SHROOM4: variants seen among roughly 807,000 people sequenced by gnomAD.
The protein encoded by SHROOM4 is shroom family member 4.
In SHROOM4, 17 loss-of-function variants were observed where a neutral mutation model predicts 80.3. The ratio of observed to expected loss-of-function variants is 0.21; its 90% CI spans 0.14 to 0.32. The LOEUF (loss-of-function observed/expected upper bound fraction) is 0.32. Among genes scored for constraint, SHROOM4 ranks in the 10% least tolerant of loss-of-function variants. The probability of loss-of-function intolerance (pLI) is 1.00; values close to 1 mark genes in which losing one functional copy is unlikely to be tolerated. For synonymous variants in SHROOM4, 400 were observed against 437.5 expected, an observed-to-expected ratio of 0.91 and a Z score of 1.07; for missense variants, 993 against 1,140.3, an observed-to-expected ratio of 0.87 and a Z score of 1.86.
chrX:50,585,241 G>A (rs1427495615), downstream of SHROOM4, among the ~76,000 whole-genome samples: 3 of 111,791 alleles, frequency 2.7e-5, no homozygotes, highest in African/African-American at 6.5e-5. Flanking sequence ...GACAGAAAGT[G>A]TAAACAATGA....
chrX:50,790,418 T>C, intron 1 of SHROOM4, among the ~76,000 whole-genome samples: 1 of 111,235 alleles, frequency 9.0e-6, no homozygotes, highest in Non-Finnish European at 1.9e-5. Context: ...CTCCCAAAAA[T>C]TGAAGAGAAG....
chrX:50,611,278 A>G (rs1347802779), intron 5 of SHROOM4, among the ~76,000 whole-genome samples: 1 of 104,191 alleles, frequency 9.6e-6, no homozygotes, highest in Non-Finnish European at 1.9e-5. Context: ...CCTCCCCAGT[A>G]GCTGGGACTA....
At chrX:50,796,776 T>C (rs1936021894) in intron 1 of SHROOM4, among the ~76,000 whole-genome samples, 1 of 109,985 alleles carries the variant, frequency 9.1e-6, no homozygotes, top group Admixed American at 9.8e-5. Context: ...ATGAGGGCTA[T>C]TGTAAAGGAA....
chrX:50,724,282 C>T (rs1236231204), intron 1 of SHROOM4, among the ~76,000 whole-genome samples: 2 of 111,826 alleles, frequency 1.8e-5, no homozygotes, highest in African/African-American at 6.5e-5. Flanking sequence ...AAGTTCTCTC[C>T]TTGAGCCTCC....
rs1936411592 is a variant in SHROOM4 at position 50,814,160 on chromosome X, G to T, written c.-142C>A. ...TCCGCCTACTCTCCCGGCTGGAGACGCTCAGGCAGCGAGCGAGCGCAAGGA... is the reference window on the plus strand; with the variant it reads ...TCCGCCTACTCTCCCGGCTGGAGACTCTCAGGCAGCGAGCGAGCGCAAGGA... On this transcript the variant is annotated 5_prime_UTR_variant, in exon 1 of 9. Transcript: ENST00000376020. 2 of 479,845 alleles carry T rather than the reference G, an allele frequency of 4.2e-6. No individual in the cohort carries two copies. Among genetic ancestry groups the T allele is most frequent in the Admixed American group, 3.2e-5 (1 of 31,729 alleles). The allele number at this position is 479,845 out of a possible 1,213,427, so 39.5% of individuals were successfully genotyped here. A position where few individuals can be genotyped will look rare whatever the true frequency, so the allele number is the denominator to read the frequency against.
intron 1 of SHROOM4, among the ~76,000 whole-genome samples, chrX:50,750,663 A>G (rs1207681185): frequency 8.9e-6 from 1 of 112,078 alleles, no homozygotes; most frequent in African/African-American, 3.2e-5. Flanking sequence ...TTCTGCTGCT[A>G]TGCTTCTCCT....
At chrX:50,580,418 C>T in the SHROOM4 span, among the ~76,000 whole-genome samples, 3 of 112,235 alleles carry the variant, frequency 2.7e-5, no homozygotes, top group African/African-American at 6.5e-5. Context: ...GATAGGTAGA[C>T]CTCCATTTGG....
At chrX:50,771,252 G>A (rs1009052757) in intron 1 of SHROOM4, among the ~76,000 whole-genome samples, 14 of 112,051 alleles carry the variant, frequency 1.2e-4, no homozygotes, top group Admixed American at 6.6e-4. Context: ...TCTCTAGAGC[G>A]CAGCAGAACA....
chrX:50,650,433 C>G (rs1557258508), intron 2 of SHROOM4, among the ~76,000 whole-genome samples: 1 of 111,814 alleles, frequency 8.9e-6, no homozygotes, highest in Non-Finnish European at 1.9e-5. Context: ...TCACTGCAAC[C>G]TCCGCCTCCC....
rs147915081 is a variant in SHROOM4 at position 50,700,446 on chromosome X, G to A, written c.118-4509C>T. Among the ~76,000 whole-genome samples the A allele has an allele frequency of 4.7e-3, 526 of 112,167 alleles. 2 individuals are homozygous for A. Among genetic ancestry groups the A allele is most frequent in the Non-Finnish European group, 7.0e-3 (374 of 53,238 alleles). ...CTTTGGGAAGTTTAACTATTAAGAA[G>A]TAGGAGCATCAAAGAATGAATAAAG... On this transcript the variant is annotated intron_variant, in intron 1 of 8. Coordinates refer to ENST00000376020, the MANE Select transcript of SHROOM4 (RefSeq NM_020717.5).
chrX:50,781,980 G>A (rs1362130772), intron 1 of SHROOM4, among the ~76,000 whole-genome samples: 6 of 111,567 alleles, frequency 5.4e-5, no homozygotes, highest in South Asian at 3.7e-4. Context: ...AGGCCAAGGC[G>A]GGCAGATCAC....
chrX:50,746,259 C>T (rs2147589148), intron 1 of SHROOM4, among the ~76,000 whole-genome samples: 1 of 111,807 alleles, frequency 8.9e-6, no homozygotes, highest in Non-Finnish European at 1.9e-5. Flanking sequence ...GTCCCCCTCC[C>T]TCTGGTAACC....
chrX:50,730,197 G>A (rs1934336382), intron 1 of SHROOM4, among the ~76,000 whole-genome samples: 1 of 111,569 alleles, frequency 9.0e-6, no homozygotes, highest in African/African-American at 3.3e-5. Flanking sequence ...GGAGGCCGAG[G>A]CGGGCGGATC....
chrX:50,760,535 A>G lies in SHROOM4; in HGVS notation c.117+53367T>C, dbSNP rs782214915. On this transcript the variant is annotated intron_variant, in intron 1 of 8. Transcript: ENST00000376020. ...TATCTTTCTTTAGGGATGGGATCTT[A>G]CTATATTGCTCAGACCGGTCTTGAA... Among the ~76,000 whole-genome samples, 4 of 109,873 alleles carry G rather than the reference A, an allele frequency of 3.6e-5. No homozygotes were observed. The South Asian group carries it at 1.6e-3, about 44-fold the overall frequency.
chrX:50,721,351 G>A (rs1557265410), intron 1 of SHROOM4, among the ~76,000 whole-genome samples: 1 of 112,628 alleles, frequency 8.9e-6, no homozygotes, highest in African/African-American at 3.2e-5. Flanking sequence ...GAGGGCTGCT[G>A]GTTGCCCATT....
At chrX:50,770,682 T>C (rs1557269643) in intron 1 of SHROOM4, among the ~76,000 whole-genome samples, 1 of 112,017 alleles carries the variant, frequency 8.9e-6, no homozygotes, top group Non-Finnish European at 1.9e-5. Flanking sequence ...ACAGACATCA[T>C]TGAAAACATT....
chrX:50,807,849 G>A (rs1416983505), intron 1 of SHROOM4, among the ~76,000 whole-genome samples: 1 of 111,858 alleles, frequency 8.9e-6, no homozygotes, highest in African/African-American at 3.3e-5. Context: ...TGGCTTAATA[G>A]CAGCACAGCT....
chrX:50,755,636 T>C (rs1385482880), intron 1 of SHROOM4, among the ~76,000 whole-genome samples: 1 of 112,178 alleles, frequency 8.9e-6, no homozygotes, highest in East Asian at 2.8e-4. Flanking sequence ...TTTGCCACTT[T>C]TCATCAATGA....
intron 1 of SHROOM4, among the ~76,000 whole-genome samples, chrX:50,797,889 C>A (rs1557272249): frequency 9.0e-6 from 1 of 110,971 alleles, no homozygotes. Flanking sequence ...ACAGTGATTG[C>A]CACTGGGAAG....
Sources: allele counts gnomAD v4.1 joint callset (sites outside exome capture counted in the v4.1 genomes callset), GRCh38; gene constraint gnomAD v4.1.1; transcripts MANE v1.5; gene names NCBI Gene and HGNC (gene_info 2026-07-23, HGNC 2026-07-21).